EFNA5: variants seen among roughly 807,000 people sequenced by gnomAD.
EFNA5 encodes the protein ephrin-A5.
EFNA5 carries 5 observed loss-of-function variants against 22.9 expected under a neutral mutation model. That is an observed-to-expected ratio of 0.22 (90% CI 0.11 to 0.46). The LOEUF is 0.46. Ranked by LOEUF, EFNA5 falls within the 20% of genes least tolerant of loss-of-function variation. EFNA5 has a pLI of 0.99. For missense variants in EFNA5, 237 were observed against 293.3 expected (o/e 0.81, Z 1.40); for synonymous variants, 113 against 112.2 (o/e 1.01, Z -0.04).
rs1404467540 is a variant in EFNA5, at chr5:107,482,854, CTCTCTCTCTCTCTCTCTATATATA to C, written c.126-55369_126-55346del. ...TCTGTCTCTCTCTCTCTCTCTCTCTCTCTCTCTCTCTCTCTCTATATATATATATATATATATATACATACATAT... is the reference window on the plus strand; with the variant it reads ...TCTGTCTCTCTCTCTCTCTCTCTCTCTATATATATATATATACATACATAT... On this transcript the variant is annotated intron_variant, in intron 1 of 4. Transcript: ENST00000333274. Among the ~76,000 whole-genome samples the C allele has an allele frequency of 6.2e-3, 428 of 69,076 alleles. 4 individuals are homozygous for C. The highest frequency in any genetic ancestry group is 8.1e-3 in the Non-Finnish European group (288 of 35,706). The allele number at this position is 69,076 out of a possible 152,430, so 45.3% of individuals were successfully genotyped here.
intron 1 of EFNA5, among the ~76,000 whole-genome samples, chr5:107,436,590 C>T (rs756687263): frequency 6.6e-6 from 1 of 152,198 alleles, no homozygotes; most frequent in Non-Finnish European, 1.5e-5. Context: ...TGGCCAGGAG[C>T]TTCCTATCAA....
chr5:107,428,305 G>C (rs991119554), intron 1 of EFNA5, among the ~76,000 whole-genome samples: 2 of 152,080 alleles, frequency 1.3e-5, no homozygotes, highest in African/African-American at 4.8e-5. Context: ...TCCCTCAACA[G>C]GTCATGTTCT....
At chr5:107,491,872 G>A (rs992306424) in intron 1 of EFNA5, among the ~76,000 whole-genome samples, 44 of 152,120 alleles carry the variant, frequency 2.9e-4, no homozygotes, top group African/African-American at 8.9e-4. Flanking sequence ...TCACCCTGTC[G>A]CCCAGGCTAG....
chr5:107,605,418 A>C (rs1470957949), intron 1 of EFNA5, among the ~76,000 whole-genome samples: 3 of 152,190 alleles, frequency 2.0e-5, no homozygotes, highest in Non-Finnish European at 2.9e-5. Flanking sequence ...ACATGAATAC[A>C]GCAGAAAATT....
At chr5:107,581,965 C>T (rs1345175235) in intron 1 of EFNA5, among the ~76,000 whole-genome samples, 2 of 152,154 alleles carry the variant, frequency 1.3e-5, no homozygotes, top group Non-Finnish European at 2.9e-5. Context: ...ACAGAAAGCA[C>T]CTCAAACTTC....
intron 1 of EFNA5, among the ~76,000 whole-genome samples, chr5:107,531,262 AATT>A (rs1385202704): frequency 6.6e-6 from 1 of 152,178 alleles, no homozygotes; most frequent in East Asian, 1.9e-4. Context: ...TAGCTACTTT[AATT>A]AACACCTAGA....
chr5:107,487,744 T>C (rs1272149323), intron 1 of EFNA5, among the ~76,000 whole-genome samples: 1 of 152,224 alleles, frequency 6.6e-6, no homozygotes, highest in African/African-American at 2.4e-5. Context: ...GCCAATCTTA[T>C]TCCCCCTTGG....
chr5:107,591,652 C>A (rs1218455920), intron 1 of EFNA5, among the ~76,000 whole-genome samples: 1 of 149,280 alleles, frequency 6.7e-6, no homozygotes, highest in Non-Finnish European at 1.5e-5. Flanking sequence ...GAAACCTGGT[C>A]TCTACTAAAA....
intron 1 of EFNA5, among the ~76,000 whole-genome samples, chr5:107,575,531 T>C (rs952811395): frequency 8.5e-5 from 13 of 152,208 alleles, no homozygotes; most frequent in Admixed American, 6.5e-5. Context: ...AATGTTTTTA[T>C]TAACATTTTC....
At chr5:107,504,461 C>T (rs115308039) in intron 1 of EFNA5, among the ~76,000 whole-genome samples, 3 of 152,098 alleles carry the variant, frequency 2.0e-5, no homozygotes, top group Non-Finnish European at 2.9e-5. Context: ...CTATTTGGAG[C>T]TTTATCTGCT....
At chr5:107,566,622 C>A (rs1424313702) in intron 1 of EFNA5, among the ~76,000 whole-genome samples, 2 of 152,138 alleles carry the variant, frequency 1.3e-5, no homozygotes, top group East Asian at 1.9e-4. Context: ...CAAGAGGGAG[C>A]ACCCAAAATT....
At chr5:107,390,435 C>T (rs893018155) in intron 2 of EFNA5, among the ~76,000 whole-genome samples, 2 of 152,008 alleles carry the variant, frequency 1.3e-5, no homozygotes, top group African/African-American at 2.4e-5. Context: ...GAGGACTGAG[C>T]ACTAAAAACA....
At chr5:107,548,489 G>GT (rs1006235528) in intron 1 of EFNA5, among the ~76,000 whole-genome samples, 3 of 152,110 alleles carry the variant, frequency 2.0e-5, no homozygotes, top group South Asian at 2.1e-4. Context: ...CCTTCAGATA[G>GT]TTTTTTTGCA....
At chr5:107,468,970 T>C (rs566103772) in intron 1 of EFNA5, among the ~76,000 whole-genome samples, 6 of 152,318 alleles carry the variant, frequency 3.9e-5, no homozygotes, top group Middle Eastern at 3.4e-3. Flanking sequence ...GAGGAGAATA[T>C]AGATTCTAGC....
chr5:107,591,232 AC>A (rs1749318145), intron 1 of EFNA5, among the ~76,000 whole-genome samples: 1 of 152,176 alleles, frequency 6.6e-6, no homozygotes, highest in African/African-American at 2.4e-5. Context: ...ACTTGAGCCA[AC>A]ATTTAAAAGT....
chr5:107,628,129 C>T (rs958164925), intron 1 of EFNA5, among the ~76,000 whole-genome samples: 1 of 152,088 alleles, frequency 6.6e-6, no homozygotes, highest in Non-Finnish European at 1.5e-5. Flanking sequence ...GTTATCATAT[C>T]TATTTTACAG....
rs923715099 is a variant in EFNA5, at chr5:107,664,510, A to C, written c.125+5979T>G. 3.3e-5 allele frequency among the ~76,000 whole-genome samples: 5 copies of C among 152,326 alleles called. No individual in the cohort carries two copies. In the South Asian group the frequency reaches 1.0e-3, roughly 32 times the overall value. ...AAAAGCAGACTAAAATATAAATTTG[A>C]TAATATAAATCAGGCCCTTAAAAGA... On this transcript the variant is annotated intron_variant, in intron 1 of 4. Coordinates refer to ENST00000333274, the MANE Select transcript of EFNA5 (RefSeq NM_001962.3).
intron 1 of EFNA5, among the ~76,000 whole-genome samples, chr5:107,543,373 C>G (rs1033200727): frequency 7.2e-5 from 11 of 152,214 alleles, no homozygotes; most frequent in African/African-American, 2.7e-4. Context: ...CGTTGTCAAT[C>G]ATTTTCTTTT....
At chr5:107,592,092 A>AAT (rs1554068293) in intron 1 of EFNA5, among the ~76,000 whole-genome samples, 1 of 96,624 alleles carries the variant, frequency 1.0e-5, no homozygotes, top group African/African-American at 5.2e-5. Flanking sequence ...TTAATTTTTA[A>AAT]TAAAAATATA....
Sources: allele counts gnomAD v4.1 joint callset (sites outside exome capture counted in the v4.1 genomes callset), GRCh38; gene constraint gnomAD v4.1.1; transcripts MANE v1.5; gene names NCBI Gene and HGNC (gene_info 2026-07-23, HGNC 2026-07-21).